The following TFB1M variants were observed in gnomAD, a reference collection of about 807,000 sequenced individuals.
TFB1M encodes the protein dimethyladenosine transferase 1, mitochondrial.
In TFB1M, 27 loss-of-function variants were observed where a neutral mutation model predicts 31.1. The observed-to-expected ratio is 0.87, with a 90% CI of 0.64 to 1.20. TFB1M has a LOEUF of 1.20. Ranked by LOEUF, TFB1M falls within the 50% of genes most tolerant of loss-of-function variation. The pLI is 0.00. For missense variants in TFB1M, 394 were observed against 418.7 expected (o/e 0.94, Z 0.51); for synonymous variants, 166 against 151.8 (o/e 1.09, Z -0.69).
chr6:155,304,642 G>C (rs1046440592), intron 2 of TFB1M, among the ~76,000 whole-genome samples: 1 of 151,874 alleles, frequency 6.6e-6, no homozygotes, highest in African/African-American at 2.4e-5. Flanking sequence ...AAAGCAGCCA[G>C]AGAAAAAAGA....
chr6:155,259,110 A>G (rs944051104), intron 6 of TFB1M, among the ~76,000 whole-genome samples: 4 of 152,206 alleles, frequency 2.6e-5, no homozygotes, highest in Admixed American at 6.5e-5. Flanking sequence ...AAAAGCACAT[A>G]AAAGGACATA....
In TFB1M at chr6:155,256,506, C is replaced by A. The variant is rs963957640; in HGVS notation, c.*1330G>T. ...TAGCTTCATCCAGGTCTTTAAAAGTCCTGAAGAATTCCTCCAGCAACGAGT... is the reference window on the plus strand; with the variant it reads ...TAGCTTCATCCAGGTCTTTAAAAGTACTGAAGAATTCCTCCAGCAACGAGT... On this transcript the variant is annotated 3_prime_UTR_variant, in exon 7 of 7. Transcript: ENST00000367166. 6.2e-7 allele frequency: 1 copy of A among 1,614,188 alleles called. No homozygotes were observed. Among genetic ancestry groups the A allele is most frequent in the East Asian group, 2.2e-5 (1 of 44,886 alleles).
At chr6:155,251,834 T>C, downstream of TFB1M, 6 of 820,318 alleles carry the variant, frequency 7.3e-6, no homozygotes, top group South Asian at 9.6e-5. Flanking sequence ...AGTGAGGTCT[T>C]AGAGACTCAT....
chr6:155,307,633 T>C (rs1562428096), intron 2 of TFB1M, among the ~76,000 whole-genome samples: 1 of 152,104 alleles, frequency 6.6e-6, no homozygotes, highest in Non-Finnish European at 1.5e-5. Flanking sequence ...CACAAAGTAT[T>C]TACTGTGATA....
rs200471827 is a variant in TFB1M, at chr6:155,260,395, G to A, written c.672C>T (p.Asp224=). The change falls in exon 6 of 7, where the codon GAC becomes GAT. Residue 224 remains aspartate (D), a synonymous_variant. Transcript: ENST00000367166. Reference sequence around the variant, plus strand: ...AGGGAGTGAAGTGCACCACGCCCACGTCCACCTTCGTTGTAAGCAAACATA... The same window carrying A: ...AGGGAGTGAAGTGCACCACGCCCACATCCACCTTCGTTGTAAGCAAACATA... ...GQAFVPKPEV[D]VGVVHFTPLI... is the part of the protein sequence containing the mutation. The A allele has an allele frequency of 4.3e-5, 69 of 1,614,058 alleles. No homozygotes were observed. In the Middle Eastern group the frequency reaches 8.2e-4, roughly 19 times the overall value.
chr6:155,294,657 G>A (rs9383751), intron 4 of TFB1M, among the ~76,000 whole-genome samples: 19,069 of 152,264 alleles, frequency 0.13, 1,524 homozygotes, highest in Non-Finnish European at 0.19. Context: ...TCTGGCAATA[G>A]TGAGTACTGG....
intron 5 of TFB1M, among the ~76,000 whole-genome samples, chr6:155,282,037 C>T (rs941316035): frequency 6.6e-6 from 1 of 152,068 alleles, no homozygotes; most frequent in African/African-American, 2.4e-5. Flanking sequence ...TCTGAATTTG[C>T]ATTGCAAAAG....
At chr6:155,312,634 T>G (rs1414473755) in intron 1 of TFB1M, among the ~76,000 whole-genome samples, 1 of 152,152 alleles carries the variant, frequency 6.6e-6, no homozygotes, top group Non-Finnish European at 1.5e-5. Context: ...ATCAATGAGC[T>G]TGGATTTCAA....
chr6:155,254,456 C>T (rs1439045679), downstream of TFB1M: 9 of 1,613,942 alleles, frequency 5.6e-6, no homozygotes, highest in East Asian at 2.2e-5. Context: ...TAAGGTGATT[C>T]GTTCTATTCT....
the TFB1M span, among the ~76,000 whole-genome samples, chr6:155,246,062 CTA>C: frequency 1.3e-5 from 2 of 149,966 alleles, no homozygotes; most frequent in African/African-American, 5.0e-5. Context: ...GAAATGCATG[CTA>C]TGGTGTTTTT....
chr6:155,307,140 C>CACACAT lies in TFB1M; in HGVS notation c.285+4047_285+4048insATGTGT, dbSNP rs1352563427. On this transcript the variant is annotated intron_variant, in intron 2 of 6. Coordinates refer to ENST00000367166, the MANE Select transcript of TFB1M (RefSeq NM_016020.4). ...TGAGACCATGTCTCAAACACATACA[C>CACACAT]ACACACACACACACACACACACACA... Among the ~76,000 whole-genome samples the CACACAT allele has an allele frequency of 9.9e-4, 36 of 36,356 alleles. No individual in the cohort carries two copies. In the South Asian group the frequency reaches 0.022, roughly 22 times the overall value. 23.9% of individuals were successfully genotyped at this position (36,356 alleles called of 152,430 possible).
intron 2 of TFB1M, among the ~76,000 whole-genome samples, chr6:155,299,988 C>T (rs1028562333): frequency 2.0e-5 from 3 of 152,134 alleles, no homozygotes; most frequent in Non-Finnish European, 4.4e-5. Flanking sequence ...CCTTTATAGC[C>T]CCTGTAGCTA....
At chr6:155,254,309 C>T, downstream of TFB1M, 2 of 1,441,376 alleles carry the variant, frequency 1.4e-6, no homozygotes, top group Non-Finnish European at 1.9e-6. Context: ...GGGTGGCTGG[C>T]TGGCAGCCTG....
At chr6:155,241,315 G>C in the TFB1M span, among the ~76,000 whole-genome samples, 7 of 152,206 alleles carry the variant, frequency 4.6e-5, no homozygotes, top group Non-Finnish European at 1.0e-4. Flanking sequence ...GGAGCCTGGG[G>C]AGCAGAGTTC....
intron 5 of TFB1M, chr6:155,276,580 T>C (rs1785233956): frequency 2.0e-6 from 1 of 495,048 alleles, no homozygotes; most frequent in South Asian, 3.9e-5. Flanking sequence ...ATTTTTTCCA[T>C]TATTGTTTCC....
At chr6:155,286,489 A>G (rs1352016153) in intron 4 of TFB1M, among the ~76,000 whole-genome samples, 9 of 17,486 alleles carry the variant, frequency 5.1e-4, no homozygotes, top group Admixed American at 2.3e-3. Flanking sequence ...ATGTGTGTGT[A>G]TATATATGTG....
intron 6 of TFB1M, 56 bp downstream of exon 6, chr6:155,260,217 A>C: frequency 6.2e-7 from 1 of 1,601,448 alleles, no homozygotes; most frequent in Non-Finnish European, 8.6e-7. Context: ...CACTCTTAAA[A>C]AGTGCCTGAG....
intron 5 of TFB1M, among the ~76,000 whole-genome samples, chr6:155,269,607 C>T (rs987353747): frequency 2.6e-5 from 4 of 152,102 alleles, no homozygotes; most frequent in African/African-American, 9.7e-5. Flanking sequence ...CAGGTGTGAG[C>T]CACCACGCCC....
chr6:155,252,881 C>T (rs1484611015), downstream of TFB1M: 2 of 1,414,558 alleles, frequency 1.4e-6, no homozygotes, highest in Non-Finnish European at 2.0e-6. Context: ...CTTCTATTCA[C>T]TGTGCACACA....
Sources: gnomAD v4.1 joint callset for allele counts (sites outside exome capture counted in the v4.1 genomes callset) on GRCh38, gnomAD v4.1.1 for gene constraint, MANE v1.5 for transcripts, NCBI Gene and HGNC (gene_info 2026-07-23, HGNC 2026-07-21) for gene names.